Variants in IFT122 observed in about 807,000 individuals in gnomAD.
IFT122 encodes the protein intraflagellar transport 122.
In IFT122, 118 loss-of-function variants were observed where a neutral mutation model predicts 161.6. The ratio of observed to expected loss-of-function variants is 0.73; its 90% CI spans 0.63 to 0.85. The LOEUF (loss-of-function observed/expected upper bound fraction) is 0.85, where lower values mean the gene tolerates loss of function less well. Among genes scored for constraint, IFT122 ranks in the 40% least tolerant of loss-of-function variants. The pLI, the probability that IFT122 is intolerant of heterozygous loss-of-function variation, is 0.00. For missense variants in IFT122, 1,381 were observed against 1,579.6 expected, an observed-to-expected ratio of 0.87 and a Z score of 2.13; for synonymous variants, 550 against 602.4, an observed-to-expected ratio of 0.91 and a Z score of 1.27.
chr3:129,445,442 T>C (rs1050954034), intron 1 of IFT122, among the ~76,000 whole-genome samples: 1 of 152,238 alleles, frequency 6.6e-6, no homozygotes, highest in African/African-American at 2.4e-5. Flanking sequence ...GTACCATAGT[T>C]TTCTCATCTG....
At chr3:129,503,395 A>G (rs932704497) in intron 20 of IFT122, among the ~76,000 whole-genome samples, 1 of 151,852 alleles carries the variant, frequency 6.6e-6, no homozygotes, top group Admixed American at 6.6e-5. Flanking sequence ...CTCTGGTGTC[A>G]GGGGCTGTAA....
intron 2 of IFT122, among the ~76,000 whole-genome samples, chr3:129,450,813 C>T (rs13090114): frequency 0.073 from 10,957 of 150,446 alleles, 1,079 homozygotes; most frequent in East Asian, 0.41. Flanking sequence ...CTCCACCTCC[C>T]GGGTTCACAC....
intron 18 of IFT122, among the ~76,000 whole-genome samples, chr3:129,498,593 A>C (rs985662971): frequency 6.6e-6 from 1 of 152,132 alleles, no homozygotes; most frequent in African/African-American, 2.4e-5. Context: ...CTTAAAATGT[A>C]TCATATATTA....
intron 5 of IFT122, among the ~76,000 whole-genome samples, chr3:129,462,805 AG>A (rs2076330430): frequency 6.6e-6 from 1 of 152,228 alleles, no homozygotes; most frequent in South Asian, 2.1e-4. Context: ...GCACTGAGCC[AG>A]GGCATCTGGG....
Position 129,440,244 on chromosome 3 carries a change from C to T in IFT122, c.-87C>T. On this transcript the variant is annotated 5_prime_UTR_variant, in exon 1 of 30. Transcript: ENST00000348417. ...GGGGTAACGCAGGTAGCCAAAGTGGCTTGTGGAGTGGCGACCGTTAGTGAG... is the reference window on the plus strand; with the variant it reads ...GGGGTAACGCAGGTAGCCAAAGTGGTTTGTGGAGTGGCGACCGTTAGTGAG... 7 of 1,517,838 alleles carry T rather than the reference C, an allele frequency of 4.6e-6. No individual in the cohort carries two copies. Among genetic ancestry groups the T allele is most frequent in the Non-Finnish European group, 6.2e-6 (7 of 1,120,864 alleles). 94.0% of individuals were successfully genotyped at this position (1,517,838 alleles called of 1,614,324 possible). A position where few individuals can be genotyped will look rare whatever the true frequency, so the allele number is the denominator to read the frequency against.
chr3:129,440,235 C>G lies in IFT122; in HGVS notation c.-96C>G. The G allele has an allele frequency of 6.7e-7, 1 of 1,495,160 alleles. No individual in the cohort carries two copies. The highest frequency in any genetic ancestry group is 1.4e-5 in the African/African-American group (1 of 72,042). The allele number at this position is 1,495,160 out of a possible 1,614,324, so 92.6% of individuals were successfully genotyped here. ...ACGTTGCCAGGGGTAACGCAGGTAG[C>G]CAAAGTGGCTTGTGGAGTGGCGACC... On this transcript the variant is annotated 5_prime_UTR_variant, in exon 1 of 30. Transcript: ENST00000348417.
intron 26 of IFT122, among the ~76,000 whole-genome samples, chr3:129,517,267 T>TGCGCGCGCGCGCGCGC (rs1393052402): frequency 3.3e-5 from 3 of 89,784 alleles, no homozygotes; most frequent in Admixed American, 1.2e-4. Context: ...ACATTGCTCC[T>TGCGCGCGCGCGCGCGC]GCACACACAC....
chr3:129,480,163 C>T (rs1018599806), intron 13 of IFT122, among the ~76,000 whole-genome samples: 3 of 152,168 alleles, frequency 2.0e-5, no homozygotes, highest in African/African-American at 7.2e-5. Flanking sequence ...CCTTTGGCTA[C>T]ATGTAGAGTG....
At chr3:129,479,399 A>G (rs1577635571) in intron 12 of IFT122, among the ~76,000 whole-genome samples, 1 of 152,256 alleles carries the variant, frequency 6.6e-6, no homozygotes, top group South Asian at 2.1e-4. Flanking sequence ...TAGCGCCACT[A>G]CACTCCAGCC....
At position 129,440,257 on chromosome 3, in the gene IFT122, G is replaced by T. The variant is rs1339845482; in HGVS notation, c.-74G>T. The T allele has an allele frequency of 4.3e-5, 66 of 1,538,992 alleles. No individual in the cohort carries two copies. Among genetic ancestry groups the T allele is most frequent in the Non-Finnish European group, 5.3e-5 (60 of 1,139,820 alleles). Reference sequence around the variant, plus strand: ...TAGCCAAAGTGGCTTGTGGAGTGGCGACCGTTAGTGAGGCGGTTGCTGAGA... The same window carrying T: ...TAGCCAAAGTGGCTTGTGGAGTGGCTACCGTTAGTGAGGCGGTTGCTGAGA... On this transcript the variant is annotated 5_prime_UTR_variant, in exon 1 of 30. Coordinates refer to ENST00000348417, the MANE Select transcript of IFT122 (RefSeq NM_052989.3).
At chr3:129,475,562 G>A (rs1369224532) in intron 9 of IFT122, among the ~76,000 whole-genome samples, 1 of 152,168 alleles carries the variant, frequency 6.6e-6, no homozygotes, top group Non-Finnish European at 1.5e-5. Context: ...TGAGGTAGGA[G>A]GATCACGTGA....
intron 5 of IFT122, among the ~76,000 whole-genome samples, chr3:129,462,022 C>CT (rs2076261185): frequency 6.6e-6 from 1 of 152,178 alleles, no homozygotes. Flanking sequence ...AGTCAGAGGC[C>CT]TAATCCCTCT....
chr3:129,514,750 T>G, intron 25 of IFT122, 196 bp downstream of exon 25: 1 of 696,364 alleles, frequency 1.4e-6, no homozygotes, highest in Admixed American at 2.1e-5. Context: ...GCAGTCCACC[T>G]GGCGCCCGCT....
chr3:129,517,872 G>A (rs972717277), intron 27 of IFT122, among the ~76,000 whole-genome samples: 2 of 152,192 alleles, frequency 1.3e-5, no homozygotes, highest in Non-Finnish European at 2.9e-5. Flanking sequence ...CACTGGCTGT[G>A]CCTCTGTCTG....
intron 21 of IFT122, 62 bp downstream of exon 21, chr3:129,504,483 T>C (rs563579853): frequency 7.4e-7 from 1 of 1,348,314 alleles, no homozygotes; most frequent in African/African-American, 1.4e-5. Context: ...AAGACATACA[T>C]TTCAGGAAGG....
At chr3:129,454,556 T>C (rs181838911) in intron 3 of IFT122, among the ~76,000 whole-genome samples, 9 of 150,188 alleles carry the variant, frequency 6.0e-5, no homozygotes, top group Non-Finnish European at 1.0e-4. Context: ...TGTGTGTGTG[T>C]GCATGTTTGA....
At chr3:129,457,220 A>G (rs2075612516) in intron 3 of IFT122, among the ~76,000 whole-genome samples, 1 of 152,256 alleles carries the variant, frequency 6.6e-6, no homozygotes, top group African/African-American at 2.4e-5. Flanking sequence ...AATTAATAAC[A>G]AATTACTTGT....
chr3:129,449,521 T>A (rs567965259), intron 1 of IFT122, among the ~76,000 whole-genome samples: 4 of 152,352 alleles, frequency 2.6e-5, no homozygotes, highest in African/African-American at 9.6e-5. Context: ...TCAGTAAGTA[T>A]CTGTGGATTT....
At chr3:129,459,609 TTTCCTTCCTTCCTTCC>T (rs57673836) in intron 4 of IFT122, among the ~76,000 whole-genome samples, 4 of 127,594 alleles carry the variant, frequency 3.1e-5, no homozygotes, top group Non-Finnish European at 6.4e-5. Context: ...TCCTTCCTTC[TTTCCTTCCTTCCTTCC>T]TTCCTTCCTT....
Sources: allele counts gnomAD v4.1 joint callset (sites outside exome capture counted in the v4.1 genomes callset), GRCh38; gene constraint gnomAD v4.1.1; transcripts MANE v1.5; gene names NCBI Gene and HGNC (gene_info 2026-07-23, HGNC 2026-07-21).